Variants in GPC6 observed in about 807,000 individuals in gnomAD.
The protein encoded by GPC6 is glypican 6, also known as glypican-6.
A neutral mutation model predicts 55.2 loss-of-function variants in GPC6; 14 were observed. That is an observed-to-expected ratio of 0.25 (90% CI 0.17 to 0.40). GPC6 has a LOEUF of 0.40. GPC6 is among the 10% of genes least tolerant of loss of function. The probability of loss-of-function intolerance (pLI) is 1.00; values close to 1 mark genes in which losing one functional copy is unlikely to be tolerated. For missense variants in GPC6, 641 were observed against 708.5 expected, an observed-to-expected ratio of 0.90 and a Z score of 1.08; for synonymous variants, 278 against 259.6, an observed-to-expected ratio of 1.07 and a Z score of -0.68.
At chr13:93,784,376 A>G (rs1444853889) in intron 2 of GPC6, among the ~76,000 whole-genome samples, 4 of 152,156 alleles carry the variant, frequency 2.6e-5, no homozygotes, top group Non-Finnish European at 2.9e-5. Flanking sequence ...TATCCAAACA[A>G]TTCTACAGTA....
chr13:93,314,499 A>G (rs1342199000), intron 1 of GPC6, among the ~76,000 whole-genome samples: 1 of 152,144 alleles, frequency 6.6e-6, no homozygotes, highest in Non-Finnish European at 1.5e-5. Context: ...CATGTTTTTC[A>G]CACTCCAACC....
chr13:94,159,433 C>A (rs1460430110), intron 4 of GPC6, among the ~76,000 whole-genome samples: 1 of 152,160 alleles, frequency 6.6e-6, no homozygotes, highest in South Asian at 2.1e-4. Context: ...AAATCTTACA[C>A]AGCAGCAGGC....
intron 1 of GPC6, among the ~76,000 whole-genome samples, chr13:93,439,154 CA>C (rs1186145044): frequency 1.3e-5 from 2 of 151,868 alleles, no homozygotes; most frequent in South Asian, 4.2e-4. Context: ...ATTGAGAAAC[CA>C]AAAAAATTGT....
At chr13:94,188,316 G>C (rs1022985922) in intron 4 of GPC6, among the ~76,000 whole-genome samples, 6 of 152,150 alleles carry the variant, frequency 3.9e-5, no homozygotes, top group Non-Finnish European at 8.8e-5. Flanking sequence ...CCAGGAGACA[G>C]GGGTGAGTTA....
chr13:93,326,914 A>G (rs1194832927), intron 1 of GPC6, among the ~76,000 whole-genome samples: 1 of 152,202 alleles, frequency 6.6e-6, no homozygotes, highest in African/African-American at 2.4e-5. Context: ...GAATAAATAT[A>G]TATAATTGCA....
intron 1 of GPC6, among the ~76,000 whole-genome samples, chr13:93,364,366 A>T (rs1196127729): frequency 2.0e-5 from 3 of 152,108 alleles, no homozygotes; most frequent in Non-Finnish European, 2.9e-5. Flanking sequence ...TCCAGAGGAG[A>T]TGTAAGAAAA....
intron 1 of GPC6, among the ~76,000 whole-genome samples, chr13:93,248,522 C>CT (rs1040149486): frequency 1.3e-5 from 2 of 151,338 alleles, no homozygotes; most frequent in African/African-American, 4.9e-5. Flanking sequence ...CAAGAGCAGG[C>CT]TTTTTCCCAG....
intron 6 of GPC6, among the ~76,000 whole-genome samples, chr13:94,379,522 C>T (rs1417096190): frequency 6.6e-6 from 1 of 152,164 alleles, no homozygotes; most frequent in Non-Finnish European, 1.5e-5. Flanking sequence ...AAATACAACC[C>T]CACAGTTTTC....
At chr13:94,372,687 A>C (rs1566730914) in intron 6 of GPC6, among the ~76,000 whole-genome samples, 1 of 152,190 alleles carries the variant, frequency 6.6e-6, no homozygotes. Flanking sequence ...AGCAGCCTGG[A>C]AGCTCGAACT....
intron 4 of GPC6, among the ~76,000 whole-genome samples, chr13:94,103,567 T>C (rs1224731055): frequency 1.5e-4 from 23 of 152,200 alleles, no homozygotes; most frequent in Admixed American, 6.5e-5. Context: ...TGACTTTGAA[T>C]GATCACCATT....
At chr13:93,982,978 G>A (rs1880871987) in intron 3 of GPC6, among the ~76,000 whole-genome samples, 1 of 152,132 alleles carries the variant, frequency 6.6e-6, no homozygotes, top group Non-Finnish European at 1.5e-5. Flanking sequence ...CTCTTTTGAT[G>A]GGCTGGATTT....
chr13:93,976,550 G>T (rs888100975), intron 3 of GPC6, among the ~76,000 whole-genome samples: 1 of 151,450 alleles, frequency 6.6e-6, no homozygotes, highest in Non-Finnish European at 1.5e-5. Flanking sequence ...TGTTACAGCT[G>T]CGGTCTGAAG....
intron 1 of GPC6, among the ~76,000 whole-genome samples, chr13:93,286,362 C>A (rs533268782): frequency 6.6e-6 from 1 of 152,268 alleles, no homozygotes; most frequent in East Asian, 1.9e-4. Flanking sequence ...CAAGATCAGT[C>A]CTTATGCTAA....
intron 4 of GPC6, among the ~76,000 whole-genome samples, chr13:94,121,926 T>A (rs1227626673): frequency 3.9e-5 from 6 of 152,092 alleles, no homozygotes; most frequent in Admixed American, 2.0e-4. Flanking sequence ...TCAGCACAAC[T>A]GTTCTGATAT....
chr13:93,263,587 A>G (rs1877225240), intron 1 of GPC6, among the ~76,000 whole-genome samples: 1 of 150,470 alleles, frequency 6.6e-6, no homozygotes, highest in African/African-American at 2.4e-5. Context: ...CTGATCTCGA[A>G]CTCCTGACTT....
At position 94,261,857 on chromosome 13, in the gene GPC6, A is replaced by G. The variant is rs1445212781; in HGVS notation, c.878-24492A>G. Among the ~76,000 whole-genome samples, 4 of 152,330 alleles carry G rather than the reference A, an allele frequency of 2.6e-5. No individual in the cohort carries two copies. The East Asian group carries it at 7.7e-4, about 29-fold the overall frequency. ...AAACCAGATGAATATGAATTAAGAA[A>G]TTATTGGGAGACAAACAAGACCTGG... On this transcript the variant is annotated intron_variant, in intron 4 of 8. Transcript: ENST00000377047.
intron 2 of GPC6, among the ~76,000 whole-genome samples, chr13:93,809,466 T>A (rs1360077750): frequency 6.6e-6 from 1 of 152,202 alleles, no homozygotes; most frequent in Admixed American, 6.5e-5. Context: ...GGGTATAATT[T>A]AAAATACAGT....
chr13:93,370,736 C>A (rs1313821018), intron 1 of GPC6, among the ~76,000 whole-genome samples: 1 of 152,096 alleles, frequency 6.6e-6, no homozygotes, highest in Non-Finnish European at 1.5e-5. Flanking sequence ...TTTAAATAGT[C>A]AAACCTGGTT....
chr13:93,225,572 G>A (rs1594037975), upstream of GPC6, among the ~76,000 whole-genome samples: 1 of 151,702 alleles, frequency 6.6e-6, no homozygotes, highest in South Asian at 2.1e-4. Flanking sequence ...AAGTGGCTCT[G>A]TAAATAAGTC....
Sources: gnomAD v4.1 joint callset for allele counts (sites outside exome capture counted in the v4.1 genomes callset) on GRCh38, gnomAD v4.1.1 for gene constraint, MANE v1.5 for transcripts, NCBI Gene and HGNC (gene_info 2026-07-23, HGNC 2026-07-21) for gene names.